The following NR3C1 variants were observed in gnomAD, a reference collection of about 807,000 sequenced individuals.
NR3C1 encodes glucocorticoid receptor.
Under a neutral mutation model 74.0 loss-of-function variants are expected in NR3C1, and 14 were observed. The ratio of observed to expected loss-of-function variants is 0.19; its 90% confidence interval spans 0.12 to 0.30. The LOEUF (loss-of-function observed/expected upper bound fraction) is 0.30. Ranked by LOEUF, NR3C1 falls within the 10% of genes least tolerant of loss-of-function variation. NR3C1 has a pLI of 1.00. For synonymous variants in NR3C1, 308 were observed against 332.5 expected, an observed-to-expected ratio of 0.93 and a Z score of 0.80; for missense variants, 695 against 909.8, an observed-to-expected ratio of 0.76 and a Z score of 3.04.
At chr5:143,343,903 T>C (rs936478577) in intron 2 of NR3C1, among the ~76,000 whole-genome samples, 3 of 152,378 alleles carry the variant, frequency 2.0e-5, no homozygotes, top group East Asian at 1.9e-4. Context: ...GCATCATAGA[T>C]AAATGAACTG....
intron 2 of NR3C1, chr5:143,332,692 A>G: frequency 6.3e-7 from 1 of 1,575,804 alleles, no homozygotes; most frequent in Non-Finnish European, 8.6e-7. Context: ...CAGAAACGTG[A>G]CAAGGTGCGT....
At chr5:143,427,682 C>A (rs1232833990) in intron 1 of NR3C1, among the ~76,000 whole-genome samples, 1 of 152,158 alleles carries the variant, frequency 6.6e-6, no homozygotes, top group Non-Finnish European at 1.5e-5. Flanking sequence ...CCTTCTTTTC[C>A]CCCATGGATT....
intron 4 of NR3C1, among the ~76,000 whole-genome samples, chr5:143,306,943 C>T (rs1819749606): frequency 7.9e-6 from 1 of 126,204 alleles, no homozygotes; most frequent in Admixed American, 9.9e-5. Flanking sequence ...GTCGCCCAGG[C>T]TGGAGTGCAG....
At position 143,400,625 on chromosome 5, in the gene NR3C1, T is replaced by C. The variant is rs1248335530; in HGVS notation, c.215A>G (p.Asn72Ser). 2 of 1,614,234 alleles carry C rather than the reference T, an allele frequency of 1.2e-6. No homozygotes were observed. Among genetic ancestry groups the C allele is most frequent in the East Asian group, 2.2e-5 (1 of 44,890 alleles). ...TTTGGACAGATCTGGCTGCTGCGCA[T>C]TGCTTACTGAGCCTTTTGGAAAATC... ...LVDFPKGSVS[N>S]AQQPDLSKAV... The change falls in exon 2 of 9, where the codon AAT (asparagine) becomes AGT (serine). Residue 72 changes from asparagine to serine, a missense_variant. Asn to Ser is a conservative substitution (Grantham distance 46). Around this residue, in one of 4 missense-constraint regions of NR3C1, gnomAD observed 497 missense variants for 489.5 expected, o/e 1.02. Coordinates refer to ENST00000394464, the MANE Select transcript of NR3C1 (RefSeq NM_000176.3).
rs375061790 is a variant in NR3C1, at chr5:143,298,733, C to T, written c.1827G>A (p.Gly609=). 1 of 1,613,918 alleles carries T rather than the reference C, an allele frequency of 6.2e-7. No homozygotes were observed. Among genetic ancestry groups the T allele is most frequent in the African/African-American group, 1.3e-5 (1 of 75,002 alleles). Residue 609 remains glycine, a synonymous_variant, in exon 6 of 9, where the codon GGG becomes GGA. Transcript: ENST00000394464. ...SWMFLMAFAL[G]WRSYRQSSAN... Reference sequence around the variant, plus strand: ...CACTTGATTGTCTATATGATCTCCACCCCAGAGCAAATGCCATAAGAAACA... The same window carrying T: ...CACTTGATTGTCTATATGATCTCCATCCCAGAGCAAATGCCATAAGAAACA...
At chr5:143,380,111 T>G (rs1356784646) in intron 2 of NR3C1, among the ~76,000 whole-genome samples, 1 of 152,096 alleles carries the variant, frequency 6.6e-6, no homozygotes, top group African/African-American at 2.4e-5. Context: ...CATAGCTACT[T>G]TGAGCAAGCA....
Position 143,403,461 on chromosome 5 carries a change from G to A in NR3C1, c.-264C>T, listed in dbSNP as rs1001259736. 1.8e-5 allele frequency: 18 copies of A among 983,978 alleles called. No individual in the cohort carries two copies. Among genetic ancestry groups the A allele is most frequent in the African/African-American group, 8.8e-5 (5 of 56,706 alleles). 61.0% of individuals were successfully genotyped at this position (983,978 alleles called of 1,614,324 possible). A position where few individuals can be genotyped will look rare whatever the true frequency, so the allele number is the denominator to read the frequency against. On this transcript the variant is annotated 5_prime_UTR_variant, in exon 1 of 9. Transcript: ENST00000394464. ...CTCCGCGGGTCGAGGTTCCGGGCGC[G>A]CGTGCCCCGTCCCGGTCCCAGCTGC...
intron 2 of NR3C1, among the ~76,000 whole-genome samples, chr5:143,328,596 A>G (rs1202797202): frequency 1.3e-5 from 2 of 152,120 alleles, no homozygotes; most frequent in Non-Finnish European, 2.9e-5. Flanking sequence ...TTCTAAACCT[A>G]AGTTCCAATT....
chr5:143,410,898 C>T lies in NR3C1; in HGVS notation c.-13-10046G>A, dbSNP rs13153270. On this transcript the variant is annotated intron_variant, in intron 1 of 8. Transcript: ENST00000343796. ...CAGTAGTGCACCGGAAACAATTGTA[C>T]CAGCTTGCAAGCACTGACTGTTAAA... is the stretch of plus-strand genomic sequence containing the variant. 9.2e-3 allele frequency among the ~76,000 whole-genome samples: 1,404 copies of T among 152,234 alleles called. 7 individuals carry two copies. Among genetic ancestry groups the T allele is most frequent in the African/African-American group, 0.016 (660 of 41,528 alleles).
intron 7 of NR3C1, among the ~76,000 whole-genome samples, chr5:143,289,177 T>TC (rs2151504136): frequency 6.6e-6 from 1 of 152,180 alleles, no homozygotes; most frequent in African/African-American, 2.4e-5. Context: ...TTACCAAATT[T>TC]CAAGATTTAC....
chr5:143,346,693 G>A (rs776529878), intron 2 of NR3C1, among the ~76,000 whole-genome samples: 1 of 152,154 alleles, frequency 6.6e-6, no homozygotes, highest in Admixed American at 6.5e-5. Context: ...TGTTAACAAA[G>A]TATAGCAGCA....
intron 2 of NR3C1, among the ~76,000 whole-genome samples, chr5:143,337,265 CTTAATTAG>C (rs1463405517): frequency 6.6e-6 from 1 of 152,084 alleles, no homozygotes; most frequent in Non-Finnish European, 1.5e-5. Context: ...AGTTACTCAG[CTTAATTAG>C]TAATCAGGGA....
intron 2 of NR3C1, among the ~76,000 whole-genome samples, chr5:143,377,260 GA>G (rs1483777229): frequency 6.6e-6 from 1 of 152,136 alleles, no homozygotes; most frequent in Non-Finnish European, 1.5e-5. Context: ...ACAGGAAGGG[GA>G]TGCCATTCCC....
chr5:143,362,698 T>TG (rs1448348941), intron 2 of NR3C1, among the ~76,000 whole-genome samples: 2 of 152,162 alleles, frequency 1.3e-5, no homozygotes, highest in Non-Finnish European at 2.9e-5. Flanking sequence ...ACCTGTCTGG[T>TG]GACTCCATGG....
intron 3 of NR3C1, among the ~76,000 whole-genome samples, chr5:143,311,058 T>C (rs545332129): frequency 6.2e-4 from 95 of 152,258 alleles, no homozygotes; most frequent in Non-Finnish European, 1.0e-3. Flanking sequence ...CACTAGACTA[T>C]AATTCACCTT....
At chr5:143,309,812 T>C (rs887419431) in intron 4 of NR3C1, among the ~76,000 whole-genome samples, 13 of 152,238 alleles carry the variant, frequency 8.5e-5, no homozygotes, top group African/African-American at 2.9e-4. Context: ...ATAAAGTTGC[T>C]GCATGTTGTG....
At chr5:143,355,677 T>G (rs1228488104) in intron 2 of NR3C1, among the ~76,000 whole-genome samples, 1 of 152,172 alleles carries the variant, frequency 6.6e-6, no homozygotes, top group East Asian at 1.9e-4. Flanking sequence ...AAATTCCGTT[T>G]AACTATAAAA....
At position 143,282,688 on chromosome 5, in the gene NR3C1, A is replaced by C. The variant is rs68012717; in HGVS notation, c.2061T>G (p.Asp687Glu). 8.3e-5 allele frequency: 134 copies of C among 1,613,828 alleles called. No individual in the cohort carries two copies. The East Asian group carries it at 3.0e-3, about 36-fold the overall frequency. The stretch of plus-strand genomic sequence containing the variant: ...CTTTGATGTAGGTCATTCTAATTTC[A>C]TCAAATAGCTCTTGGCTCTTCAGAC... ...KDGLKSQELF[D>E]EIRMTYIKEL... Residue 687 changes from aspartate (D) to glutamate (E), a missense_variant, in exon 8 of 9, where the codon GAT becomes GAG. This residue lies in a region of NR3C1 where 133 missense variants were observed against 287.9 expected (regional missense o/e 0.46). Coordinates refer to ENST00000394464, the MANE Select transcript of NR3C1 (RefSeq NM_000176.3).
chr5:143,313,461 C>T (rs1168037131), intron 3 of NR3C1, among the ~76,000 whole-genome samples: 1 of 152,042 alleles, frequency 6.6e-6, no homozygotes, highest in Non-Finnish European at 1.5e-5. Context: ...TCATCTTTCA[C>T]TTCAGTGGAG....
Sources: gnomAD v4.1 joint callset for allele counts (sites outside exome capture counted in the v4.1 genomes callset) on GRCh38, gnomAD v4.1.1 for gene constraint, gnomAD v4.1.1 regional missense constraint, MANE v1.5 for transcripts, NCBI Gene and HGNC (gene_info 2026-07-23, HGNC 2026-07-21) for gene names.